Variants in OPLAH observed in about 807,000 individuals in gnomAD.
OPLAH encodes 5-oxoprolinase.
Under a neutral mutation model 122.8 loss-of-function variants are expected in OPLAH, and 103 were observed. The observed-to-expected ratio is 0.84, with a 90% CI of 0.71 to 0.99. The LOEUF is 0.99. OPLAH is among the 50% of genes least tolerant of loss of function. The pLI is 0.00. For missense variants in OPLAH, 1,902 were observed against 1,836.5 expected, an observed-to-expected ratio of 1.04 and a Z score of -0.65; for synonymous variants, 875 against 796.0, an observed-to-expected ratio of 1.10 and a Z score of -1.67.
chr8:144,058,464 G>GCCCAGT, intron 6 of OPLAH, 32 bp downstream of exon 6: 1 of 1,578,520 alleles, frequency 6.3e-7, no homozygotes, highest in Non-Finnish European at 8.6e-7. Flanking sequence ...CCAGGCCCAG[G>GCCCAGT]AGTGGGCAGT....
At chr8:144,050,975 C>T (rs1284910774), downstream of OPLAH, 5 of 1,067,100 alleles carry the variant, frequency 4.7e-6, no homozygotes, top group African/African-American at 5.0e-5. Flanking sequence ...GCCACCTCTA[C>T]CTGGCCGGCC....
chr8:144,052,496 C>G lies in OPLAH; in HGVS notation c.3256G>C (p.Val1086Leu), dbSNP rs1554757926. The G allele has an allele frequency of 1.3e-6, 2 of 1,568,366 alleles. No individual in the cohort carries two copies. Among genetic ancestry groups the G allele is most frequent in the East Asian group, 2.3e-5 (1 of 42,930 alleles). The stretch of plus-strand genomic sequence containing the variant: ...AAGGCCCCCAGGATGACATCCACCA[C>G]GCGCTGCGACGTGAGCACGTTGCCG... ...VGGNVLTSQR[V>L]VDVILGAFGA... The change falls in exon 23 of 27, where the codon GTG (valine) becomes CTG (leucine). Residue 1086 changes from valine to leucine, a missense_variant. Transcript: ENST00000618853.
In OPLAH at chr8:144,057,871, C is replaced by G; in HGVS notation, c.1141G>C (p.Ala381Pro). The stretch of plus-strand genomic sequence containing the variant: ...TGACTCTTACCTTTGCGGTAGCAGG[C>G]GGGTCCTGGGTGGGCTCCTGCTGAC... ...PESAGAHPGP[A>P]CYRKGGPVTV... is the part of the protein sequence containing the mutation. The change falls in exon 9 of 27, where the codon GCC becomes CCC. Residue 381 changes from alanine to proline, a missense_variant. Coordinates refer to ENST00000618853, the MANE Select transcript of OPLAH (RefSeq NM_017570.5). The G allele has an allele frequency of 6.2e-7, 1 of 1,611,718 alleles. No individual in the cohort carries two copies. Among genetic ancestry groups the G allele is most frequent in the Non-Finnish European group, 8.5e-7 (1 of 1,179,488 alleles).
In OPLAH at chr8:144,057,233, C is replaced by T. The variant is rs1554759490; in HGVS notation, c.1510G>A (p.Gly504Ser). ...QHACAIARAL[G>S]MDTVHIHRHS... ...CTGTGGATGTGCACCGTGTCCATGC[C>T]CAGGGCCCGGGCGATGGCACATGCA... Residue 504 changes from glycine (G) to serine (S), a missense_variant, in exon 11 of 27, where the codon GGC becomes AGC. By Grantham distance (56) the Gly-to-Ser change is moderately conservative. Around this residue, in one of 3 missense-constraint regions of OPLAH, gnomAD observed 1,726 missense variants for 1,642.1 expected, o/e 1.05. Transcript: ENST00000618853. The T allele has an allele frequency of 1.2e-6, 2 of 1,612,062 alleles. No individual in the cohort carries two copies. The highest frequency in any genetic ancestry group is 1.7e-5 in the Admixed American group (1 of 59,960).
chr8:144,056,827 G>C, intron 12 of OPLAH, 72 bp from the exon 13 acceptor site: 1 of 1,528,610 alleles, frequency 6.5e-7, no homozygotes, highest in Non-Finnish European at 8.8e-7. Flanking sequence ...CGCCCGGCAA[G>C]GACACCTGTT....
In OPLAH at chr8:144,058,836, T is replaced by C. The variant is rs1255043445; in HGVS notation, c.524A>G (p.Lys175Arg). 3.2e-6 allele frequency: 5 copies of C among 1,586,468 alleles called. No homozygotes were observed. In the African/African-American group the frequency reaches 6.8e-5, roughly 21 times the overall value. The change falls in exon 5 of 27, where the codon AAG becomes AGG. Residue 175 changes from lysine (K) to arginine (R), a missense_variant. Transcript: ENST00000618853. ...QPVDLGALRG[K>R]LEGLLSRGIR... ...GCCTCGAGATAGCAGCCCCTCCAGC[T>C]TCCCACGCAGGGCCCCCAGGTCCAC...
chr8:144,057,370 C>G, intron 10 of OPLAH, 50 bp from the exon 11 acceptor site: 1 of 1,582,700 alleles, frequency 6.3e-7, no homozygotes. Context: ...CCCCATCCAG[C>G]CCCCAGCCTG....
In OPLAH at chr8:144,051,398, C is replaced by T; in HGVS notation, c.3795G>A (p.Ser1265=). The T allele has an allele frequency of 6.3e-7, 1 of 1,599,618 alleles. No homozygotes were observed. ...CGGGAAAGGCCAGTGCTTGCGGGGG[C>T]GACCCCGGCGGTGGGGCGGGGTCCT... ...DPEDPAPPPG[S]PPQALAFPEH... is the part of the protein sequence containing the mutation. Residue 1265 remains serine (S), a synonymous_variant, in exon 27 of 27, where the codon TCG becomes TCA. Transcript: ENST00000618853.
chr8:144,050,394 A>G (rs1554757443), downstream of OPLAH: 2 of 985,280 alleles, frequency 2.0e-6, no homozygotes, highest in Non-Finnish European at 2.4e-6. Flanking sequence ...ACAGAGAACA[A>G]AGTGGAGAGG....
Position 144,055,135 on chromosome 8 carries a change from C to A in OPLAH, c.2303G>T (p.Arg768Leu). 1.3e-6 allele frequency: 2 copies of A among 1,584,984 alleles called. No homozygotes were observed. The highest frequency in any genetic ancestry group is 2.2e-5 in the East Asian group (1 of 44,664). Residue 768 changes from arginine to leucine, a missense_variant, in exon 17 of 27, where the codon CGT (arginine) becomes CTT (leucine). Arg to Leu is a moderately radical substitution (Grantham distance 102). Around this residue, in one of 3 missense-constraint regions of OPLAH, gnomAD observed 1,726 missense variants for 1,642.1 expected, o/e 1.05. Transcript: ENST00000618853. This position sits in a 1 kb window ranked among gnomAD's most constrained non-coding sequence, Gnocchi z 6.5. The part of the protein sequence containing the change: ...RTAISTNIKE[R>L]LDFSCALFGP... Reference sequence around the variant, plus strand: ...AAAGAGGGCACAGGAGAAGTCCAGACGCTCCTTGATGTTGGTGGAGATGGC... The same window carrying A: ...AAAGAGGGCACAGGAGAAGTCCAGAAGCTCCTTGATGTTGGTGGAGATGGC...
chr8:144,056,458 C>T lies in OPLAH; in HGVS notation c.1910G>A (p.Arg637Gln), dbSNP rs781971848. Residue 637 changes from arginine (R) to glutamine (Q), a missense_variant, in exon 14 of 27, where the codon CGG becomes CAG. Around this residue, in one of 3 missense-constraint regions of OPLAH, gnomAD observed 1,726 missense variants for 1,642.1 expected, o/e 1.05. Coordinates refer to ENST00000618853, the MANE Select transcript of OPLAH (RefSeq NM_017570.5). ...RPVVVDDVRV[R>Q]GTGRSGLRLE... ...GCGAAGACCACTGCGGCCGGTGCCCCGCACTCGCACATCGTCCACGACCAC... is the reference window on the plus strand; with the variant it reads ...GCGAAGACCACTGCGGCCGGTGCCCTGCACTCGCACATCGTCCACGACCAC... 26 of 1,611,020 alleles carry T rather than the reference C, an allele frequency of 1.6e-5. No homozygotes were observed. Among genetic ancestry groups the T allele is most frequent in the African/African-American group, 2.7e-5 (2 of 74,884 alleles).
Position 144,059,948 on chromosome 8 carries a change from G to T in OPLAH, c.85C>A (p.His29Asn). Residue 29 changes from histidine to asparagine, a missense_variant, in exon 2 of 27, where the codon CAC becomes AAC. This residue lies in a region of OPLAH where 168 missense variants were observed against 170.6 expected (regional missense o/e 0.98). Coordinates refer to ENST00000618853, the MANE Select transcript of OPLAH (RefSeq NM_017570.5). ...TDVFAQCPGG[H>N]VRVLKLLSED... ...GAGAGCAGTTTTAAGACCCGCACGT[G>T]CCCCCCTGGGCACTGGGCAAAGACG... 1 of 1,612,790 alleles carries T rather than the reference G, an allele frequency of 6.2e-7. No individual in the cohort carries two copies. The highest frequency in any genetic ancestry group is 8.5e-7 in the Non-Finnish European group (1 of 1,179,842).
At chr8:144,054,472 T>G in intron 19 of OPLAH, 89 bp downstream of exon 19, 3 of 1,376,810 alleles carry the variant, frequency 2.2e-6, no homozygotes, top group Non-Finnish European at 2.9e-6. Context: ...GCCTATGGGC[T>G]GCATCCCACG....
Position 144,058,637 on chromosome 8 carries a change from C to T in OPLAH, c.642G>A (p.Thr214=), listed in dbSNP as rs781862668. 1.1e-5 allele frequency: 17 copies of T among 1,601,580 alleles called. No homozygotes were observed. The highest frequency in any genetic ancestry group is 3.3e-5 in the South Asian group (3 of 90,776). ...TGGCCTCCGAGGACAGTGACACGTGCGTGAAGCCCAGCTCCCGGGCCAGCA... is the reference window on the plus strand; with the variant it reads ...TGGCCTCCGAGGACAGTGACACGTGTGTGAAGCCCAGCTCCCGGGCCAGCA... The part of the protein sequence containing the change: ...VGVLARELGF[T]HVSLSSEAMP... Residue 214 remains threonine, a synonymous_variant, in exon 6 of 27, where the codon ACG becomes ACA. Coordinates refer to ENST00000618853, the MANE Select transcript of OPLAH (RefSeq NM_017570.5).
rs533428247 is a variant in OPLAH, at chr8:144,058,372, G to A, written c.816C>T (p.Gly272=). The A allele has an allele frequency of 1.4e-5, 23 of 1,592,382 alleles. No homozygotes were observed. Among genetic ancestry groups the A allele is most frequent in the African/African-American group, 5.4e-5 (4 of 74,710 alleles). The change falls in exon 7 of 27, where the codon GGC becomes GGT. Residue 272 remains glycine, a synonymous_variant. Transcript: ENST00000618853. ...TGAAGGTGTCCATGGGCGCCAGGCC[G>A]CCATCGGAGCGCATGAACAACACCT... ...DVQVLFMRSD[G]GLAPMDTFSG...
In OPLAH at chr8:144,052,262, C is replaced by T; in HGVS notation, c.3368G>A (p.Gly1123Asp). 2 of 1,538,164 alleles carry T rather than the reference C, an allele frequency of 1.3e-6. No homozygotes were observed. Among genetic ancestry groups the T allele is most frequent in the Non-Finnish European group, 1.7e-6 (2 of 1,147,016 alleles). The change falls in exon 24 of 27, where the codon GGC becomes GAC. Residue 1123 changes from glycine to aspartate, a missense_variant. This residue lies in a region of OPLAH where 1,726 missense variants were observed against 1,642.1 expected (regional missense o/e 1.05). Transcript: ENST00000618853. The stretch of plus-strand genomic sequence containing the variant: ...GTGCCAGCTGGGACCCGCGCCCGCG[C>T]CGCCCGCCACCGTCTCGTAGTAGCC... ...HMGYYETVAG[G>D]AGAGPSWHGR...
chr8:144,058,231 C>T lies in OPLAH; in HGVS notation c.949+8G>A. 2 of 1,605,652 alleles carry T rather than the reference C, an allele frequency of 1.2e-6. No individual in the cohort carries two copies. Among genetic ancestry groups the T allele is most frequent in the Non-Finnish European group, 1.7e-6 (2 of 1,174,830 alleles). On this transcript the variant is annotated splice_region_variant and intron_variant, in intron 7 of 26. Coordinates refer to ENST00000618853, the MANE Select transcript of OPLAH (RefSeq NM_017570.5). ...CCTCCCCGAGACCCCAGCCCTCGGC[C>T]CTCATACCTCCCATGTCAAAGCCGA...
chr8:144,051,031 T>C (rs58015884), downstream of OPLAH: 534 of 1,239,204 alleles, frequency 4.3e-4, 3 homozygotes, highest in East Asian at 9.4e-3. Flanking sequence ...GGTCGGCGCC[T>C]GGACTACATC....
chr8:144,050,397 T>G, downstream of OPLAH: 5 of 983,242 alleles, frequency 5.1e-6, no homozygotes, highest in Non-Finnish European at 6.0e-6. Flanking sequence ...GAGAACAAAG[T>G]GGAGAGGTCG....
Sources: allele counts gnomAD v4.1 joint callset, GRCh38; gene constraint gnomAD v4.1.1; regional missense constraint gnomAD v4.1.1; non-coding constraint Gnocchi (gnomAD v3.1); transcripts MANE v1.5; gene names NCBI Gene and HGNC (gene_info 2026-07-23, HGNC 2026-07-21).